The following LANCL3 variants were observed in gnomAD, a reference collection of about 807,000 sequenced individuals.
LANCL3 encodes the protein LanC like family member 3.
LANCL3 carries 19 observed loss-of-function variants against 26.5 expected under a neutral mutation model. The observed-to-expected ratio is 0.72, with a 90% CI of 0.50 to 1.05. The LOEUF is 1.05. Among genes scored for constraint, LANCL3 ranks in the 50% least tolerant of loss-of-function variants. The pLI is 0.00. For missense variants in LANCL3, 318 were observed against 362.7 expected, an observed-to-expected ratio of 0.88 and a Z score of 1.00; for synonymous variants, 160 against 166.6, an observed-to-expected ratio of 0.96 and a Z score of 0.30.
At chrX:37,627,036 G>A (rs978033946) in intron 1 of LANCL3, among the ~76,000 whole-genome samples, 1 of 111,932 alleles carries the variant, frequency 8.9e-6, no homozygotes, top group South Asian at 3.7e-4. Context: ...GCTATGTTAT[G>A]TAGGTAGACT....
At chrX:37,587,543 G>A (rs1338519842) in intron 1 of LANCL3, among the ~76,000 whole-genome samples, 1 of 112,907 alleles carries the variant, frequency 8.9e-6, no homozygotes, top group Non-Finnish European at 1.9e-5. Flanking sequence ...TTCGATCTCA[G>A]ACTGCTGTGC....
At chrX:37,579,978 G>A (rs781970045) in intron 1 of LANCL3, among the ~76,000 whole-genome samples, 1 of 111,805 alleles carries the variant, frequency 8.9e-6, no homozygotes, top group Non-Finnish European at 1.9e-5. Flanking sequence ...TTAGGATGGA[G>A]GTTTCCAGGG....
chrX:37,598,738 ACTT>A (rs1220761426), intron 1 of LANCL3, among the ~76,000 whole-genome samples: 2 of 112,407 alleles, frequency 1.8e-5, no homozygotes, highest in African/African-American at 6.5e-5. Context: ...GTCCTGAATC[ACTT>A]CTTCCTCAGT....
intron 2 of LANCL3, among the ~76,000 whole-genome samples, chrX:37,656,247 C>CAAAAAAA (rs781921541): frequency 1.2e-5 from 1 of 85,244 alleles, no homozygotes. Context: ...CTGGGCCATG[C>CAAAAAAA]AAAAAAAAAA....
At chrX:37,657,447 G>A (rs1291843671) in intron 2 of LANCL3, among the ~76,000 whole-genome samples, 1 of 110,999 alleles carries the variant, frequency 9.0e-6, no homozygotes, top group Non-Finnish European at 1.9e-5. Context: ...ACGCAACCTC[G>A]ACCTCCTGAG....
intron 1 of LANCL3, among the ~76,000 whole-genome samples, chrX:37,587,564 C>T (rs1401123483): frequency 1.8e-5 from 2 of 112,859 alleles, no homozygotes; most frequent in Non-Finnish European, 3.8e-5. Context: ...TAGCAAGGAT[C>T]GAGGCTCCGT....
chrX:37,661,412 G>C (rs1488435308), intron 3 of LANCL3, among the ~76,000 whole-genome samples: 2 of 111,530 alleles, frequency 1.8e-5, no homozygotes, highest in African/African-American at 6.5e-5. Context: ...TCAGTATCTA[G>C]AGAAGATTAA....
intron 1 of LANCL3, among the ~76,000 whole-genome samples, chrX:37,592,102 C>T (rs1232556231): frequency 4.5e-5 from 5 of 111,877 alleles, no homozygotes; most frequent in Admixed American, 1.9e-4. Flanking sequence ...GCGCCTCCCT[C>T]CTGCACACAC....
chrX:37,587,348 C>T (rs1924125909), intron 1 of LANCL3, among the ~76,000 whole-genome samples: 2 of 112,842 alleles, frequency 1.8e-5, no homozygotes, highest in Admixed American at 1.9e-4. Flanking sequence ...TTTAAGTCTG[C>T]AGGGGTTTCT....
chrX:37,602,769 G>A (rs1924604835), intron 1 of LANCL3, among the ~76,000 whole-genome samples: 1 of 111,044 alleles, frequency 9.0e-6, no homozygotes, highest in South Asian at 3.8e-4. Flanking sequence ...TGCAATTTTG[G>A]TTGGAGGGGT....
chrX:37,625,331 G>A (rs782478601), intron 1 of LANCL3, among the ~76,000 whole-genome samples: 14 of 111,698 alleles, frequency 1.3e-4, no homozygotes, highest in African/African-American at 3.9e-4. Context: ...ATGTGTGTCT[G>A]TCCTGTTCTT....
intron 1 of LANCL3, among the ~76,000 whole-genome samples, chrX:37,590,105 G>A (rs1338060053): frequency 1.2e-4 from 14 of 112,653 alleles, no homozygotes; most frequent in Non-Finnish European, 2.3e-4. Context: ...TTGGCTTGAA[G>A]ATACTGTAAA....
chrX:37,676,724 A>G lies in LANCL3; in HGVS notation c.*911A>G, dbSNP rs1926817899. On this transcript the variant is annotated 3_prime_UTR_variant, in exon 5 of 5. Coordinates refer to ENST00000378619, the MANE Select transcript of LANCL3 (RefSeq NM_001170331.2). ...AAAGATCAGGGGAACCACTACAAAG[A>G]CGTGTCATTTCTGCCTTTGTTTGGG... The G allele has an allele frequency of 8.9e-6, 1 of 111,999 alleles. No homozygotes were observed. The highest frequency in any genetic ancestry group is 3.2e-5 in the African/African-American group (1 of 30,826). The allele number at this position is 111,999 out of a possible 1,213,427, so 9.2% of individuals were successfully genotyped here.
At chrX:37,668,517 G>A (rs1027224327) in intron 4 of LANCL3, 2 of 269,742 alleles carry the variant, frequency 7.4e-6, no homozygotes, top group Middle Eastern at 1.0e-3. Flanking sequence ...GAAAGCACAA[G>A]TAGGGGCTTC....
intron 1 of LANCL3, among the ~76,000 whole-genome samples, chrX:37,591,730 TG>T (rs112825811): frequency 0.42 from 44,216 of 104,197 alleles, 9,511 homozygotes; most frequent in African/African-American, 0.8. Flanking sequence ...CAGCTGGTGG[TG>T]GGGGGGGTAT....
rs1321489210 is a variant in LANCL3, at chrX:37,572,792, C to G, written c.573+349C>G. 5.4e-5 allele frequency among the ~76,000 whole-genome samples: 6 copies of G among 111,985 alleles called. No individual in the cohort carries two copies. The Admixed American group carries it at 5.6e-4, about 11-fold the overall frequency. The stretch of plus-strand genomic sequence containing the variant: ...GGAAGGGATTTCCTTTCCTTTGACT[C>G]TGCTGTCAAAAGCTGAGGCATCCTC... On this transcript the variant is annotated intron_variant, in intron 1 of 4. Transcript: ENST00000378619.
chrX:37,591,734 G>T (rs1290168457), intron 1 of LANCL3, among the ~76,000 whole-genome samples: 6 of 108,630 alleles, frequency 5.5e-5, no homozygotes, highest in Non-Finnish European at 1.1e-4. Flanking sequence ...TGGTGGTGGG[G>T]GGGGTATGTA....
chrX:37,592,175 C>T (rs1412100800), intron 1 of LANCL3, among the ~76,000 whole-genome samples: 1 of 111,620 alleles, frequency 9.0e-6, no homozygotes, highest in Non-Finnish European at 1.9e-5. Flanking sequence ...CTCCAACAAG[C>T]AGTAGGTTGA....
At chrX:37,583,333 GT>G (rs1302417748) in intron 1 of LANCL3, among the ~76,000 whole-genome samples, 3 of 111,927 alleles carry the variant, frequency 2.7e-5, no homozygotes, top group Admixed American at 9.4e-5. Context: ...CTTTAAAGTA[GT>G]TTTTTCCAGT....
Sources: allele counts gnomAD v4.1 joint callset (sites outside exome capture counted in the v4.1 genomes callset), GRCh38; gene constraint gnomAD v4.1.1; transcripts MANE v1.5; gene names NCBI Gene and HGNC (gene_info 2026-07-23, HGNC 2026-07-21).